DUSP16: variants seen among roughly 807,000 people sequenced by gnomAD.
DUSP16 encodes dual specificity protein phosphatase 16.
DUSP16 carries 21 observed loss-of-function variants against 58.3 expected under a neutral mutation model. The ratio of observed to expected loss-of-function variants is 0.36; its 90% CI spans 0.26 to 0.52. DUSP16 has a LOEUF of 0.52. Ranked by LOEUF, DUSP16 falls within the 20% of genes least tolerant of loss-of-function variation. The pLI is 0.94. For synonymous variants in DUSP16, 320 were observed against 323.8 expected (o/e 0.99, Z 0.12); for missense variants, 726 against 819.0 (o/e 0.89, Z 1.39).
At chr12:12,532,705 T>C (rs1447382820) in intron 1 of DUSP16, among the ~76,000 whole-genome samples, 1 of 152,182 alleles carries the variant, frequency 6.6e-6, no homozygotes, top group East Asian at 1.9e-4. Flanking sequence ...CCTAGCACTT[T>C]GGGAGGCCAA....
chr12:12,501,677 C>T (rs1943912791), intron 3 of DUSP16, among the ~76,000 whole-genome samples: 1 of 152,148 alleles, frequency 6.6e-6, no homozygotes, highest in Non-Finnish European at 1.5e-5. Context: ...TGACGGGATC[C>T]TCGTATATTT....
chr12:12,542,203 G>A lies in DUSP16; in HGVS notation c.-366+19914C>T, dbSNP rs147524148. The stretch of plus-strand genomic sequence containing the variant: ...ACTAGCCTGACCATGGAGAAATCCC[G>A]TCTCTACTACAAATACAAAATTACC... On this transcript the variant is annotated intron_variant, in intron 1 of 6. Transcript: ENST00000298573. 2.6e-3 allele frequency among the ~76,000 whole-genome samples: 401 copies of A among 151,908 alleles called. 2 individuals are homozygous for A. Among genetic ancestry groups the A allele is most frequent in the African/African-American group, 9.1e-3 (378 of 41,444 alleles).
intron 5 of DUSP16, among the ~76,000 whole-genome samples, chr12:12,482,328 G>GC (rs1943585769): frequency 1.3e-5 from 2 of 152,282 alleles, no homozygotes; most frequent in Middle Eastern, 3.4e-3. Context: ...ACAGTAACAT[G>GC]CGTTACGATG....
At chr12:12,547,210 C>T (rs925865164) in intron 1 of DUSP16, among the ~76,000 whole-genome samples, 1 of 152,066 alleles carries the variant, frequency 6.6e-6, no homozygotes, top group African/African-American at 2.4e-5. Context: ...AGGTGGATCA[C>T]CTGAGGTCAG....
At chr12:12,525,307 T>C (rs1944289364) in intron 1 of DUSP16, among the ~76,000 whole-genome samples, 1 of 152,086 alleles carries the variant, frequency 6.6e-6, no homozygotes, top group African/African-American at 2.4e-5. Flanking sequence ...TTCACTCTTA[T>C]TGCCCAGGCT....
chr12:12,514,689 G>A (rs2136226594), intron 3 of DUSP16, among the ~76,000 whole-genome samples: 1 of 152,234 alleles, frequency 6.6e-6, no homozygotes, highest in Admixed American at 6.5e-5. Flanking sequence ...TTCTTTTGGA[G>A]ACAGGGTCTT....
chr12:12,536,804 G>A (rs958196506), intron 1 of DUSP16, among the ~76,000 whole-genome samples: 8 of 151,974 alleles, frequency 5.3e-5, no homozygotes, highest in African/African-American at 1.4e-4. Context: ...TTGGGAGGCC[G>A]AGGTGGGCGG....
At chr12:12,499,374 C>T (rs1008507911) in intron 4 of DUSP16, among the ~76,000 whole-genome samples, 1 of 152,120 alleles carries the variant, frequency 6.6e-6, no homozygotes, top group Non-Finnish European at 1.5e-5. Context: ...ACCAGAAAGG[C>T]TCGGTACAAG....
chr12:12,518,967 A>C (rs1049290342), intron 3 of DUSP16, among the ~76,000 whole-genome samples: 1 of 152,234 alleles, frequency 6.6e-6, no homozygotes, highest in Non-Finnish European at 1.5e-5. Flanking sequence ...ACAACTAATT[A>C]ATCTTAATGT....
chr12:12,487,880 G>A (rs1399237959), intron 4 of DUSP16, among the ~76,000 whole-genome samples: 1 of 152,068 alleles, frequency 6.6e-6, no homozygotes, highest in Non-Finnish European at 1.5e-5. Flanking sequence ...ATAAAATGGG[G>A]CTCCTTTCTC....
intron 5 of DUSP16, among the ~76,000 whole-genome samples, chr12:12,482,729 T>C (rs1943595605): frequency 6.6e-6 from 1 of 152,198 alleles, no homozygotes. Context: ...ACATTTGTTT[T>C]TTCAGACAGG....
intron 1 of DUSP16, among the ~76,000 whole-genome samples, chr12:12,539,942 A>G (rs1203715809): frequency 6.6e-6 from 1 of 151,838 alleles, no homozygotes; most frequent in African/African-American, 2.4e-5. Flanking sequence ...GCTACTCGGG[A>G]GGCTGGGGAG....
At chr12:12,513,713 T>C (rs1239573370) in intron 3 of DUSP16, among the ~76,000 whole-genome samples, 1 of 152,220 alleles carries the variant, frequency 6.6e-6, no homozygotes, top group Non-Finnish European at 1.5e-5. Context: ...CAGGCTGTAC[T>C]GGGGAAAGAG....
At chr12:12,519,783 A>C (rs1944202737) in intron 3 of DUSP16, 79 bp downstream of exon 3, 1 of 1,445,712 alleles carries the variant, frequency 6.9e-7, no homozygotes, top group African/African-American at 1.4e-5. Context: ...GATCTATTGT[A>C]CTGAGTTCAC....
chr12:12,547,457 C>CAAAAA (rs202208136), intron 1 of DUSP16, among the ~76,000 whole-genome samples: 2 of 80,450 alleles, frequency 2.5e-5, no homozygotes, highest in Non-Finnish European at 4.9e-5. Flanking sequence ...CAAAAAAAAG[C>CAAAAA]AAAAAAAAAA....
At chr12:12,549,148 C>A (rs942543000) in intron 1 of DUSP16, among the ~76,000 whole-genome samples, 1 of 152,052 alleles carries the variant, frequency 6.6e-6, no homozygotes. Flanking sequence ...AGCCTCTTTA[C>A]CATCGACATC....
intron 4 of DUSP16, among the ~76,000 whole-genome samples, chr12:12,497,813 T>C (rs1173968611): frequency 2.0e-5 from 3 of 151,694 alleles, no homozygotes; most frequent in East Asian, 1.9e-4. Context: ...ATATTAAAAA[T>C]ACAAAAATTA....
chr12:12,531,954 C>T (rs1343567528), intron 1 of DUSP16, among the ~76,000 whole-genome samples: 1 of 151,732 alleles, frequency 6.6e-6, no homozygotes, highest in Admixed American at 6.6e-5. Context: ...GTCAGGAGAT[C>T]GAGACCATCC....
At chr12:12,551,348 C>CA (rs936916925) in intron 1 of DUSP16, among the ~76,000 whole-genome samples, 9 of 148,948 alleles carry the variant, frequency 6.0e-5, no homozygotes, top group Admixed American at 2.0e-4. Context: ...ACTAAAAATA[C>CA]AAAAAAAATC....
Sources: allele counts gnomAD v4.1 joint callset (sites outside exome capture counted in the v4.1 genomes callset), GRCh38; gene constraint gnomAD v4.1.1; transcripts MANE v1.5; gene names NCBI Gene and HGNC (gene_info 2026-07-23, HGNC 2026-07-21).